Variants in KCNH5 observed in about 807,000 individuals in gnomAD.
KCNH5 encodes the protein potassium voltage-gated channel subfamily H member 5, also known as voltage-gated delayed rectifier potassium channel KCNH5.
Under a neutral mutation model 96.1 loss-of-function variants are expected in KCNH5, and 46 were observed. The ratio of observed to expected loss-of-function variants is 0.48; its 90% confidence interval spans 0.38 to 0.61. KCNH5 has a LOEUF of 0.61. Ranked by LOEUF, KCNH5 falls within the 20% of genes least tolerant of loss-of-function variation. KCNH5 has a pLI of 0.00. For synonymous variants in KCNH5, 439 were observed against 449.8 expected (o/e 0.98, Z 0.30); for missense variants, 907 against 1,225.8 (o/e 0.74, Z 3.88).
chr14:63,019,854 AC>A (rs774903515), intron 1 of KCNH5, among the ~76,000 whole-genome samples: 61 of 152,122 alleles, frequency 4.0e-4, no homozygotes, highest in Admixed American at 7.2e-4. Context: ...ATTACTGTCA[AC>A]TACTCATTCA....
intron 7 of KCNH5, among the ~76,000 whole-genome samples, chr14:62,852,354 C>T (rs1344578568): frequency 6.6e-6 from 1 of 152,118 alleles, no homozygotes; most frequent in African/African-American, 2.4e-5. Flanking sequence ...ATGTAGGGTC[C>T]CTACATCAGA....
intron 8 of KCNH5, among the ~76,000 whole-genome samples, chr14:62,837,027 C>A (rs1391589259): frequency 6.6e-6 from 1 of 152,074 alleles, no homozygotes; most frequent in East Asian, 1.9e-4. Context: ...TAACGCCTGC[C>A]ACATAGGATG....
chr14:62,971,089 G>C (rs1199635296), intron 6 of KCNH5, among the ~76,000 whole-genome samples: 2 of 152,080 alleles, frequency 1.3e-5, no homozygotes, highest in Non-Finnish European at 2.9e-5. Context: ...GATTATCCAT[G>C]AGATGAGATG....
chr14:62,717,658 C>G (rs7158012), intron 10 of KCNH5, among the ~76,000 whole-genome samples: 4,878 of 152,182 alleles, frequency 0.032, 138 homozygotes, highest in South Asian at 0.082. Flanking sequence ...GGATAAAAGA[C>G]CTAACTGCAA....
chr14:62,760,024 C>T (rs1367661334), intron 10 of KCNH5, among the ~76,000 whole-genome samples: 1 of 152,132 alleles, frequency 6.6e-6, no homozygotes, highest in Non-Finnish European at 1.5e-5. Context: ...CACTTGGTGA[C>T]TCTCAGGTAC....
rs1186976859 is a variant in KCNH5, at chr14:62,702,352, A to G, written c.*5156T>C. The G allele has an allele frequency of 1.3e-5, 2 of 152,066 alleles. No individual in the cohort carries two copies. The highest frequency in any genetic ancestry group is 2.9e-5 in the Non-Finnish European group (2 of 67,926). The allele number at this position is 152,066 out of a possible 1,614,324, so 9.4% of individuals were successfully genotyped here. A position where few individuals can be genotyped will look rare whatever the true frequency, so the allele number is the denominator to read the frequency against. Reference sequence around the variant, plus strand: ...ACATTATCGAGTGCAATTTTTAAGAATTATTTTAAGAAATCTTTAAAAGTA... The same window carrying G: ...ACATTATCGAGTGCAATTTTTAAGAGTTATTTTAAGAAATCTTTAAAAGTA... On this transcript the variant is annotated 3_prime_UTR_variant, in exon 11 of 11. Transcript: ENST00000322893.
chr14:62,902,197 G>C (rs530427959), intron 7 of KCNH5, among the ~76,000 whole-genome samples: 1 of 148,848 alleles, frequency 6.7e-6, no homozygotes. Flanking sequence ...CTTTTGCTAT[G>C]CATAACCTGT....
intron 1 of KCNH5, among the ~76,000 whole-genome samples, chr14:63,041,958 T>A (rs1012477307): frequency 6.6e-6 from 1 of 152,128 alleles, no homozygotes; most frequent in Non-Finnish European, 1.5e-5. Flanking sequence ...ATAAAATTGA[T>A]ATTCAAATAT....
At chr14:62,959,613 C>T (rs565199025) in intron 6 of KCNH5, among the ~76,000 whole-genome samples, 1 of 152,140 alleles carries the variant, frequency 6.6e-6, no homozygotes, top group Admixed American at 6.6e-5. Flanking sequence ...TATAGAGTTT[C>T]CTAAATTCTG....
At chr14:62,710,245 G>A (rs1167253497) in intron 10 of KCNH5, among the ~76,000 whole-genome samples, 1 of 152,206 alleles carries the variant, frequency 6.6e-6, no homozygotes, top group Non-Finnish European at 1.5e-5. Flanking sequence ...AGTTTATCGA[G>A]TGGTACTAAT....
intron 8 of KCNH5, among the ~76,000 whole-genome samples, chr14:62,847,281 C>T (rs774860569): frequency 8.6e-5 from 13 of 151,362 alleles, no homozygotes; most frequent in Non-Finnish European, 1.9e-4. Flanking sequence ...TTTTGTTTTC[C>T]TCTTGTTTAG....
At chr14:62,708,778 G>A (rs11621495) in intron 10 of KCNH5, among the ~76,000 whole-genome samples, 139,315 of 152,130 alleles carry the variant, frequency 0.92, 64,784 homozygotes, top group East Asian at 1. Flanking sequence ...CCCTTATATT[G>A]CCGTTAGTAG....
At chr14:62,731,582 T>C (rs1885052260) in intron 10 of KCNH5, among the ~76,000 whole-genome samples, 1 of 152,184 alleles carries the variant, frequency 6.6e-6, no homozygotes, top group Non-Finnish European at 1.5e-5. Context: ...TTGCAATATT[T>C]GCTTTAATCT....
chr14:62,731,780 T>A (rs926616743), intron 10 of KCNH5, among the ~76,000 whole-genome samples: 1 of 152,214 alleles, frequency 6.6e-6, no homozygotes, highest in Admixed American at 6.5e-5. Flanking sequence ...CTCAGCTGTT[T>A]AAAATGGATT....
chr14:62,792,975 G>A (rs1369620868), intron 9 of KCNH5, among the ~76,000 whole-genome samples: 1 of 151,666 alleles, frequency 6.6e-6, no homozygotes, highest in Non-Finnish European at 1.5e-5. Flanking sequence ...TTGAAAAGAA[G>A]AAAATTCTGT....
intron 8 of KCNH5, among the ~76,000 whole-genome samples, chr14:62,829,556 G>A (rs1010011854): frequency 4.6e-5 from 7 of 152,160 alleles, no homozygotes; most frequent in Admixed American, 2.0e-4. Context: ...AATGGCTCAG[G>A]CTGCACTTTG....
At chr14:62,777,403 T>A (rs183675498) in intron 10 of KCNH5, among the ~76,000 whole-genome samples, 4 of 152,330 alleles carry the variant, frequency 2.6e-5, no homozygotes, top group Admixed American at 1.3e-4. Flanking sequence ...TTGTGGGTCG[T>A]TGACATTTAA....
At chr14:63,043,860 A>T (rs1891871110) in intron 1 of KCNH5, among the ~76,000 whole-genome samples, 1 of 152,186 alleles carries the variant, frequency 6.6e-6, no homozygotes, top group African/African-American at 2.4e-5. Context: ...TATTTATTTA[A>T]TTATTTGATA....
At chr14:62,762,191 G>A (rs1379282596) in intron 10 of KCNH5, among the ~76,000 whole-genome samples, 2 of 152,066 alleles carry the variant, frequency 1.3e-5, no homozygotes, top group Non-Finnish European at 2.9e-5. Flanking sequence ...GTTCCCCAAG[G>A]CTCTCCATAC....
Sources: gnomAD v4.1 joint callset for allele counts (sites outside exome capture counted in the v4.1 genomes callset) on GRCh38, gnomAD v4.1.1 for gene constraint, MANE v1.5 for transcripts, NCBI Gene and HGNC (gene_info 2026-07-23, HGNC 2026-07-21) for gene names.